Variants in AGBL4 observed in about 807,000 individuals in gnomAD.
AGBL4 encodes the protein AGBL carboxypeptidase 4.
Under a neutral mutation model 66.4 loss-of-function variants are expected in AGBL4, and 58 were observed. The ratio of observed to expected loss-of-function variants is 0.87; its 90% CI spans 0.71 to 1.09. The LOEUF (loss-of-function observed/expected upper bound fraction) is 1.09. AGBL4 is among the 50% of genes least tolerant of loss of function. AGBL4 has a pLI of 0.00. For missense variants in AGBL4, 579 were observed against 631.0 expected, an observed-to-expected ratio of 0.92 and a Z score of 0.88; for synonymous variants, 234 against 222.9, an observed-to-expected ratio of 1.05 and a Z score of -0.44.
At chr1:49,720,051 T>C (rs973264931) in intron 2 of AGBL4, among the ~76,000 whole-genome samples, 2 of 152,126 alleles carry the variant, frequency 1.3e-5, no homozygotes, top group African/African-American at 4.8e-5. Context: ...AATACAGACA[T>C]GTTATTTCAT....
At chr1:49,364,012 C>A (rs970309118) in intron 3 of AGBL4, among the ~76,000 whole-genome samples, 2 of 152,148 alleles carry the variant, frequency 1.3e-5, no homozygotes, top group Non-Finnish European at 2.9e-5. Context: ...GCTGTGATGC[C>A]TCAGATTGAA....
Position 49,403,494 on chromosome 1 carries a change from T to C in AGBL4, c.283-157630A>G, listed in dbSNP as rs188559772. ...ATCTGTTAGAATTCTAAATTCCTTC[T>C]CTGTTATCTTGGATTTCTTTTAGTT... On this transcript the variant is annotated intron_variant, in intron 3 of 13. Transcript: ENST00000371839. 1.6e-3 allele frequency among the ~76,000 whole-genome samples: 238 copies of C among 152,352 alleles called. 1 individual carries two copies. The highest frequency in any genetic ancestry group is 4.9e-3 in the African/African-American group (203 of 41,574).
chr1:48,751,788 G>T (rs1651779242), intron 6 of AGBL4, among the ~76,000 whole-genome samples: 1 of 152,144 alleles, frequency 6.6e-6, no homozygotes, highest in Non-Finnish European at 1.5e-5. Context: ...TGTTAGAAAA[G>T]GGACAGCCTG....
chr1:48,631,169 C>T (rs1042728955), intron 9 of AGBL4, among the ~76,000 whole-genome samples: 1 of 152,114 alleles, frequency 6.6e-6, no homozygotes, highest in Non-Finnish European at 1.5e-5. Context: ...CAGAAGTTGT[C>T]CTGGCAGTTC....
At chr1:48,813,272 T>C (rs1646099287) in intron 6 of AGBL4, among the ~76,000 whole-genome samples, 4 of 152,102 alleles carry the variant, frequency 2.6e-5, no homozygotes, top group Admixed American at 2.6e-4. Flanking sequence ...CTGAGAGACA[T>C]GAATTCAATA....
intron 4 of AGBL4, among the ~76,000 whole-genome samples, chr1:49,208,592 G>A (rs1367757706): frequency 2.0e-5 from 3 of 152,008 alleles, no homozygotes; most frequent in Admixed American, 6.6e-5. Flanking sequence ...TGCATTCTTG[G>A]TTGTTGTCTA....
intron 4 of AGBL4, among the ~76,000 whole-genome samples, chr1:49,198,750 T>C (rs1294468071): frequency 6.6e-6 from 1 of 152,168 alleles, no homozygotes; most frequent in Non-Finnish European, 1.5e-5. Context: ...ACTTGCGTTT[T>C]TTTTTTTTCT....
chr1:49,736,223 C>A (rs1649879938), intron 2 of AGBL4, among the ~76,000 whole-genome samples: 1 of 151,952 alleles, frequency 6.6e-6, no homozygotes, highest in Admixed American at 6.6e-5. Flanking sequence ...GATCCTTAGA[C>A]ACATTATAAT....
chr1:49,545,994 A>C (rs1273249023), intron 3 of AGBL4, among the ~76,000 whole-genome samples: 1 of 152,108 alleles, frequency 6.6e-6, no homozygotes, highest in Non-Finnish European at 1.5e-5. Context: ...AGCAGTATAC[A>C]ATGCACCATA....
intron 3 of AGBL4, among the ~76,000 whole-genome samples, chr1:49,576,288 CT>C (rs1471756994): frequency 2.6e-5 from 4 of 152,188 alleles, no homozygotes; most frequent in Admixed American, 6.5e-5. Flanking sequence ...CAGGAGAAGG[CT>C]CTGCAACAGG....
chr1:49,499,641 C>G (rs888540313), intron 3 of AGBL4, among the ~76,000 whole-genome samples: 2 of 151,930 alleles, frequency 1.3e-5, no homozygotes, highest in African/African-American at 4.8e-5. Flanking sequence ...AGTTACTTCA[C>G]TTAGAATAAT....
chr1:49,828,246 G>C (rs1255588562), intron 2 of AGBL4, among the ~76,000 whole-genome samples: 1 of 152,128 alleles, frequency 6.6e-6, no homozygotes, highest in Non-Finnish European at 1.5e-5. Flanking sequence ...TCTGGAGATA[G>C]AGCAAATAGA....
At chr1:49,571,335 T>A (rs767276477) in intron 3 of AGBL4, among the ~76,000 whole-genome samples, 1 of 152,066 alleles carries the variant, frequency 6.6e-6, no homozygotes, top group Non-Finnish European at 1.5e-5. Context: ...AGGTATTTTT[T>A]TTCAGTTATA....
At chr1:49,538,122 A>G (rs1558032125) in intron 3 of AGBL4, among the ~76,000 whole-genome samples, 1 of 152,240 alleles carries the variant, frequency 6.6e-6, no homozygotes, top group Non-Finnish European at 1.5e-5. Context: ...AAAGAAATCA[A>G]TAAGTCAAAA....
At chr1:49,970,882 T>C (rs1658026396) in intron 1 of AGBL4, among the ~76,000 whole-genome samples, 1 of 152,130 alleles carries the variant, frequency 6.6e-6, no homozygotes, top group Admixed American at 6.5e-5. Flanking sequence ...AGTAAGCTAA[T>C]TTTCAAAGTT....
chr1:48,554,536 G>A (rs1644293593), intron 11 of AGBL4, among the ~76,000 whole-genome samples: 1 of 152,112 alleles, frequency 6.6e-6, no homozygotes. Flanking sequence ...TGAATCCCAT[G>A]CCTAGGAAGT....
At chr1:49,857,677 C>T (rs1646468004) in intron 1 of AGBL4, among the ~76,000 whole-genome samples, 1 of 152,066 alleles carries the variant, frequency 6.6e-6, no homozygotes, top group African/African-American at 2.4e-5. Context: ...TATCCACATG[C>T]AGAAGAATGA....
At chr1:48,557,082 G>T (rs1644331789) in intron 11 of AGBL4, among the ~76,000 whole-genome samples, 1 of 152,130 alleles carries the variant, frequency 6.6e-6, no homozygotes, top group East Asian at 1.9e-4. Context: ...TAGCCACTGT[G>T]CCTGGCCAAA....
At chr1:49,606,573 T>G (rs1025142433) in intron 3 of AGBL4, among the ~76,000 whole-genome samples, 4 of 152,166 alleles carry the variant, frequency 2.6e-5, no homozygotes, top group Admixed American at 2.6e-4. Flanking sequence ...TAACTGGACC[T>G]GTCCTGATTC....
Sources: allele counts gnomAD v4.1 joint callset (sites outside exome capture counted in the v4.1 genomes callset), GRCh38; gene constraint gnomAD v4.1.1; transcripts MANE v1.5; gene names NCBI Gene and HGNC (gene_info 2026-07-23, HGNC 2026-07-21).